Variants in APCDD1L observed in about 807,000 individuals in gnomAD.
APCDD1L encodes APC down-regulated 1 like.
A neutral mutation model predicts 24.2 loss-of-function variants in APCDD1L; 21 were observed. The ratio of observed to expected loss-of-function variants is 0.87; its 90% CI spans 0.61 to 1.25. The LOEUF (loss-of-function observed/expected upper bound fraction) is 1.25, where lower values mean the gene tolerates loss of function less well. APCDD1L is among the 50% of genes most tolerant of loss of function. The pLI is 0.00. For synonymous variants in APCDD1L, 321 were observed against 323.6 expected (o/e 0.99, Z 0.09); for missense variants, 704 against 711.7 (o/e 0.99, Z 0.12).
At chr20:58,502,409 A>G (rs2123186931) in intron 1 of APCDD1L, among the ~76,000 whole-genome samples, 1 of 152,208 alleles carries the variant, frequency 6.6e-6, no homozygotes, top group Middle Eastern at 3.4e-3. Flanking sequence ...CCTTTGGTGT[A>G]TTTGTTTTCT....
Position 58,478,328 on chromosome 20 carries a change from G to C in APCDD1L, c.50-7581C>G, listed in dbSNP as rs151205951. 6.6e-3 allele frequency among the ~76,000 whole-genome samples: 969 copies of C among 146,320 alleles called. 8 individuals are homozygous for C. Among genetic ancestry groups the C allele is most frequent in the African/African-American group, 0.022 (889 of 40,182 alleles). ...TGCTAGGTGTGCTCACTGCTAGTGG[G>C]CTGTCACTTTAGGCTTCTTAACTTT... On this transcript the variant is annotated intron_variant, in intron 1 of 3. Coordinates refer to ENST00000371149, the MANE Select transcript of APCDD1L (RefSeq NM_153360.3).
intron 1 of APCDD1L, among the ~76,000 whole-genome samples, chr20:58,492,314 T>C (rs1990238096): frequency 6.6e-6 from 1 of 152,178 alleles, no homozygotes; most frequent in South Asian, 2.1e-4. Context: ...ATACAGGTTG[T>C]GTAAAGAAGT....
At chr20:58,466,956 C>T in intron 3 of APCDD1L, 150 bp downstream of exon 3, 4 of 991,940 alleles carry the variant, frequency 4.0e-6, no homozygotes, top group East Asian at 2.9e-5. Flanking sequence ...TCCTGAGGCA[C>T]GCGGACCAGA....
intron 1 of APCDD1L, among the ~76,000 whole-genome samples, chr20:58,507,099 CG>C (rs1282813581): frequency 6.6e-6 from 1 of 152,138 alleles, no homozygotes; most frequent in Non-Finnish European, 1.5e-5. Context: ...AATTGAATCA[CG>C]GGGGCAGGTC....
rs1452038828 is a variant in APCDD1L at position 58,461,173 on chromosome 20, C to T, written c.1123G>A (p.Glu375Lys). Reference sequence around the variant, plus strand: ...CCCGCACCCCCACAGCTGCTTGGCTCAGAGAAGTTGAGCATGGCCGTGGTG... The same window carrying T: ...CCCGCACCCCCACAGCTGCTTGGCTTAGAGAAGTTGAGCATGGCCGTGGTG... ...QVTTAMLNFS[E>K]PSSCGGAGAW... Residue 375 changes from glutamate to lysine, a missense_variant, in exon 4 of 4, where the codon GAG becomes AAG. Transcript: ENST00000371149. The surrounding 1 kb of genome is among the most constrained non-coding windows in gnomAD (Gnocchi z 6.0). The T allele has an allele frequency of 7.4e-6, 12 of 1,613,290 alleles. No homozygotes were observed. Among genetic ancestry groups the T allele is most frequent in the Admixed American group, 1.7e-5 (1 of 60,008 alleles).
rs187697795 is a variant in APCDD1L, at chr20:58,468,662, G to T, written c.189-1004C>A. ...GGCTCACCGCAACTTCTGCCTCCTG[G>T]GTTCAAGCAATTCTCCTGCCTCAGT... is the stretch of plus-strand genomic sequence containing the variant. On this transcript the variant is annotated intron_variant, in intron 2 of 3. Coordinates refer to ENST00000371149, the MANE Select transcript of APCDD1L (RefSeq NM_153360.3). Among the ~76,000 whole-genome samples, 199 of 152,216 alleles carry T rather than the reference G, an allele frequency of 1.3e-3. 1 individual carries two copies. The highest frequency in any genetic ancestry group is 4.7e-3 in the African/African-American group (194 of 41,534).
intron 1 of APCDD1L, among the ~76,000 whole-genome samples, chr20:58,500,560 T>C (rs573398325): frequency 6.6e-6 from 1 of 152,174 alleles, no homozygotes; most frequent in Non-Finnish European, 1.5e-5. Context: ...CTACTTGCCA[T>C]ATTCTCTCAT....
chr20:58,494,624 C>A lies in APCDD1L; in HGVS notation c.49+20035G>T, dbSNP rs1990286196. 6.6e-6 allele frequency among the ~76,000 whole-genome samples: 1 copy of A among 152,144 alleles called. No homozygotes were observed. The highest frequency in any genetic ancestry group is 1.5e-5 in the Non-Finnish European group (1 of 68,026). The stretch of plus-strand genomic sequence containing the variant: ...AAAGCGTTGGGATTATAGGTGTGAG[C>A]CACTGTGCCTGGCTGTCAACTGTGT... On this transcript the variant is annotated intron_variant, in intron 1 of 3. Transcript: ENST00000371149. This position sits in a 1 kb window ranked among gnomAD's most constrained non-coding sequence, Gnocchi z 4.8.
chr20:58,480,636 C>A lies in APCDD1L; in HGVS notation c.50-9889G>T, dbSNP rs1397091011. Among the ~76,000 whole-genome samples, 4 of 152,172 alleles carry A rather than the reference C, an allele frequency of 2.6e-5. 1 individual carries two copies. In the South Asian group the frequency reaches 8.3e-4, roughly 32 times the overall value. On this transcript the variant is annotated intron_variant, in intron 1 of 3. Transcript: ENST00000371149. ...CGAGGCCTCTGCTTAGCCACTCCTG[C>A]TGAGGGAAAGGAAGTGCACAGTTCA...
At chr20:58,473,669 C>T (rs964780431) in intron 1 of APCDD1L, among the ~76,000 whole-genome samples, 13 of 152,078 alleles carry the variant, frequency 8.5e-5, no homozygotes, top group African/African-American at 2.9e-4. Flanking sequence ...GCAGATGGTG[C>T]GGTGGGTTGG....
intron 1 of APCDD1L, among the ~76,000 whole-genome samples, chr20:58,483,775 A>G (rs1175330051): frequency 1.3e-5 from 2 of 152,192 alleles, no homozygotes; most frequent in Non-Finnish European, 2.9e-5. Flanking sequence ...TGTGGGTACC[A>G]ATTCAATTCA....
chr20:58,466,902 C>T (rs1989716149), intron 3 of APCDD1L, among the ~76,000 whole-genome samples: 1 of 152,310 alleles, frequency 6.6e-6, no homozygotes, highest in Middle Eastern at 3.4e-3. Flanking sequence ...CTTGTAAAGG[C>T]TGAAAAAAGA....
At chr20:58,482,462 C>T (rs1990041663) in intron 1 of APCDD1L, among the ~76,000 whole-genome samples, 1 of 152,192 alleles carries the variant, frequency 6.6e-6, no homozygotes, top group Non-Finnish European at 1.5e-5. Flanking sequence ...GTGTTGGCTT[C>T]CTAAATGTTA....
chr20:58,506,751 T>G (rs1183726025), intron 1 of APCDD1L, among the ~76,000 whole-genome samples: 1 of 152,252 alleles, frequency 6.6e-6, no homozygotes, highest in African/African-American at 2.4e-5. Context: ...GGTCTTCTAC[T>G]GCAATCTTCC....
In APCDD1L at chr20:58,497,545, T is replaced by C. The variant is rs1050776094; in HGVS notation, c.49+17114A>G. On this transcript the variant is annotated intron_variant, in intron 1 of 3. Transcript: ENST00000371149. This position sits in a 1 kb window ranked among gnomAD's most constrained non-coding sequence, Gnocchi z 4.3. ...CCAGGCCTTTCTTGTGGCTTGTAGATGGCCATCTTCTCCCTGCGTCTCTTC... is the reference window on the plus strand; with the variant it reads ...CCAGGCCTTTCTTGTGGCTTGTAGACGGCCATCTTCTCCCTGCGTCTCTTC... 8.5e-5 allele frequency among the ~76,000 whole-genome samples: 13 copies of C among 152,176 alleles called. No homozygotes were observed. The highest frequency in any genetic ancestry group is 8.5e-4 in the Admixed American group (13 of 15,284).
chr20:58,467,741 C>A lies in APCDD1L; in HGVS notation c.189-83G>T. The stretch of plus-strand genomic sequence containing the variant: ...TCTCCCCTCTGGGCTGGGCTCCTTT[C>A]TCCCCCCCAGCCCTCCTCTTAGTCC... On this transcript the variant is annotated intron_variant, in intron 2 of 3. Transcript: ENST00000371149. This position sits in a 1 kb window ranked among gnomAD's most constrained non-coding sequence, Gnocchi z 5.9. 7.6e-7 allele frequency: 1 copy of A among 1,314,488 alleles called. No homozygotes were observed. Among genetic ancestry groups the A allele is most frequent in the Non-Finnish European group, 9.9e-7 (1 of 1,011,972 alleles). The allele number at this position is 1,314,488 out of a possible 1,614,324, so 81.4% of individuals were successfully genotyped here.
rs916879326 is a variant in APCDD1L, at chr20:58,508,556, T to C, written c.49+6103A>G. ...TGGTGGGGGGAAGAGATGAGGACAATGGAGCAGAGGACTGGCGGAGGGGAG... is the reference window on the plus strand; with the variant it reads ...TGGTGGGGGGAAGAGATGAGGACAACGGAGCAGAGGACTGGCGGAGGGGAG... On this transcript the variant is annotated intron_variant, in intron 1 of 3. Coordinates refer to ENST00000371149, the MANE Select transcript of APCDD1L (RefSeq NM_153360.3). The surrounding 1 kb of genome is among the most constrained non-coding windows in gnomAD (Gnocchi z 4.0). Among the ~76,000 whole-genome samples, 1 of 152,106 alleles carries C rather than the reference T, an allele frequency of 6.6e-6. No homozygotes were observed. Among genetic ancestry groups the C allele is most frequent in the East Asian group, 1.9e-4 (1 of 5,168 alleles).
chr20:58,482,524 G>A (rs1045368841), intron 1 of APCDD1L, among the ~76,000 whole-genome samples: 1 of 152,200 alleles, frequency 6.6e-6, no homozygotes, highest in African/African-American at 2.4e-5. Flanking sequence ...GCCCAGCTGG[G>A]TTCTTACCCT....
intron 1 of APCDD1L, among the ~76,000 whole-genome samples, chr20:58,480,412 A>C (rs1990001456): frequency 6.6e-6 from 1 of 152,192 alleles, no homozygotes; most frequent in South Asian, 2.1e-4. Flanking sequence ...TCAAAGGGAC[A>C]GGGTTTGGTT....
Sources: allele counts gnomAD v4.1 joint callset (sites outside exome capture counted in the v4.1 genomes callset), GRCh38; gene constraint gnomAD v4.1.1; non-coding constraint Gnocchi (gnomAD v3.1); transcripts MANE v1.5; gene names NCBI Gene and HGNC (gene_info 2026-07-23, HGNC 2026-07-21).